The following USP13 variants were observed in gnomAD, a reference collection of about 807,000 sequenced individuals.
USP13 encodes ubiquitin specific peptidase 13.
Under a neutral mutation model 107.8 loss-of-function variants are expected in USP13, and 68 were observed. The ratio of observed to expected loss-of-function variants is 0.63; its 90% CI spans 0.52 to 0.77. The LOEUF (loss-of-function observed/expected upper bound fraction) is 0.77, where lower values mean the gene tolerates loss of function less well. Among genes scored for constraint, USP13 ranks in the 30% least tolerant of loss-of-function variants. USP13 has a pLI of 0.00. For synonymous variants in USP13, 377 were observed against 389.5 expected, an observed-to-expected ratio of 0.97 and a Z score of 0.38; for missense variants, 945 against 1,093.3, an observed-to-expected ratio of 0.86 and a Z score of 1.91.
At chr3:179,702,796 AAATGG>A (rs1712581633) in intron 4 of USP13, among the ~76,000 whole-genome samples, 1 of 152,240 alleles carries the variant, frequency 6.6e-6, no homozygotes. Flanking sequence ...TTAGTGGACA[AAATGG>A]CCTTACCTCA....
chr3:179,668,783 G>T (rs1720659251), intron 1 of USP13, among the ~76,000 whole-genome samples: 1 of 152,154 alleles, frequency 6.6e-6, no homozygotes, highest in African/African-American at 2.4e-5. Context: ...TGCTGCCCTT[G>T]ATCTGGAATC....
At chr3:179,750,320 ATGTGTG>A (rs372126922) in intron 13 of USP13, among the ~76,000 whole-genome samples, 34 of 40,786 alleles carry the variant, frequency 8.3e-4, no homozygotes, top group African/African-American at 2.2e-3. Context: ...ATATATATAT[ATGTGTG>A]TATATATATA....
At position 179,659,166 on chromosome 3, in the gene USP13, G is replaced by T. The variant is rs555373334; in HGVS notation, c.168+5773G>T. Among the ~76,000 whole-genome samples, 3 of 152,278 alleles carry T rather than the reference G, an allele frequency of 2.0e-5. No individual in the cohort carries two copies. The East Asian group carries it at 5.8e-4, about 29-fold the overall frequency. On this transcript the variant is annotated intron_variant, in intron 1 of 20. Transcript: ENST00000263966. ...CTGGGAGTCTTTGGAAACTCTGATG[G>T]ACAGGGGCCATCAGGTGGGAGTGGC...
chr3:179,695,820 T>C (rs78330921), intron 3 of USP13, among the ~76,000 whole-genome samples: 46 of 152,272 alleles, frequency 3.0e-4, no homozygotes, highest in African/African-American at 1.1e-3. Context: ...TAAGTAATGC[T>C]TTTAGATTTC....
chr3:179,701,195 C>G, intron 4 of USP13, 66 bp downstream of exon 4: 1 of 410,872 alleles, frequency 2.4e-6, no homozygotes, highest in Non-Finnish European at 3.8e-6. Context: ...TGTGCGTGTG[C>G]GATGTGTGTG....
rs940897977 is a variant in USP13 at position 179,740,371 on chromosome 3, A to C, written c.1379A>C (p.Glu460Ala). ...EFFLHLVNLV[E>A]RNRIGSENPS... is the part of the protein sequence containing the mutation. Reference sequence around the variant, plus strand: ...TTCTTGCACCTGGTGAATCTAGTAGAGGTGAGTAGTCAGTCTTCACGGATG... The same window carrying C: ...TTCTTGCACCTGGTGAATCTAGTAGCGGTGAGTAGTCAGTCTTCACGGATG... Residue 460 changes from glutamate to alanine, a missense_variant and splice_region_variant, in exon 11 of 21, where the codon GAG (glutamate) becomes GCG (alanine). Physicochemically the swap from Glu to Ala is moderately radical, Grantham distance 107. Coordinates refer to ENST00000263966, the MANE Select transcript of USP13 (RefSeq NM_003940.3). 1.9e-6 allele frequency: 3 copies of C among 1,614,006 alleles called. No homozygotes were observed. The Admixed American group carries it at 5.0e-5, about 27-fold the overall frequency.
intron 6 of USP13, 21 bp from the exon 7 acceptor site, chr3:179,719,919 T>A: frequency 6.2e-7 from 1 of 1,600,584 alleles, no homozygotes; most frequent in South Asian, 1.1e-5. Context: ...TTGCAGTGCT[T>A]ATTTTCTCTT....
chr3:179,727,902 G>A (rs1302062944), intron 8 of USP13, among the ~76,000 whole-genome samples: 1 of 68,244 alleles, frequency 1.5e-5, no homozygotes, highest in African/African-American at 3.8e-5. Context: ...CCTCCCGGAC[G>A]GGGCGGCTGG....
intron 1 of USP13, among the ~76,000 whole-genome samples, chr3:179,662,016 G>C (rs1720470186): frequency 1.3e-5 from 2 of 152,108 alleles, no homozygotes; most frequent in Non-Finnish European, 2.9e-5. Context: ...CCTGAACATA[G>C]GCAGTGATTT....
chr3:179,685,878 C>T lies in USP13; in HGVS notation c.294+3875C>T, dbSNP rs573491705. Among the ~76,000 whole-genome samples, 6 of 152,208 alleles carry T rather than the reference C, an allele frequency of 3.9e-5. No individual in the cohort carries two copies. In the South Asian group the frequency reaches 1.2e-3, roughly 32 times the overall value. On this transcript the variant is annotated intron_variant, in intron 2 of 20. Transcript: ENST00000263966. The stretch of plus-strand genomic sequence containing the variant: ...ACCTTCAGGCCCGTGACTTGTTTAG[C>T]TTACTTCTCATGATTCATTTTTTTC...
At chr3:179,679,600 A>G (rs1254821386) in intron 1 of USP13, among the ~76,000 whole-genome samples, 2 of 152,176 alleles carry the variant, frequency 1.3e-5, no homozygotes, top group African/African-American at 2.4e-5. Flanking sequence ...AGTGAGAGAA[A>G]ACAAGAGATG....
intron 3 of USP13, among the ~76,000 whole-genome samples, chr3:179,693,767 G>A (rs529770709): frequency 2.0e-5 from 3 of 151,998 alleles, no homozygotes; most frequent in South Asian, 2.1e-4. Context: ...TCCGCCCTCC[G>A]AGTTCAAGCA....
At chr3:179,756,324 G>A (rs1033133737) in intron 15 of USP13, among the ~76,000 whole-genome samples, 3 of 152,162 alleles carry the variant, frequency 2.0e-5, no homozygotes, top group Non-Finnish European at 4.4e-5. Context: ...TCAGGAGGCT[G>A]AGGCAAGAGA....
Position 179,730,197 on chromosome 3 carries a change from G to T in USP13, c.1097G>T (p.Gly366Val), listed in dbSNP as rs891601155. 6.2e-7 allele frequency: 1 copy of T among 1,613,270 alleles called. No individual in the cohort carries two copies. The highest frequency in any genetic ancestry group is 8.5e-7 in the Non-Finnish European group (1 of 1,179,730). Residue 366 changes from glycine to valine, a missense_variant, in exon 9 of 21, where the codon GGA (glycine) becomes GTA (valine). Gly to Val is a moderately radical substitution (Grantham distance 109). Coordinates refer to ENST00000263966, the MANE Select transcript of USP13 (RefSeq NM_003940.3). ...SIPEFQRAYV[G>V]NLPRIFDYSP... ...TGCCTCTCATTTTCTAGGTATGTAG[G>T]AAACCTTCCCAGAATATTTGACTAC...
intron 2 of USP13, among the ~76,000 whole-genome samples, chr3:179,687,033 A>G (rs1711896888): frequency 6.6e-6 from 1 of 152,112 alleles, no homozygotes; most frequent in Non-Finnish European, 1.5e-5. Context: ...CATCAGGGTT[A>G]TCCATATTTT....
chr3:179,782,781 T>G (rs1715790869), intron 20 of USP13, among the ~76,000 whole-genome samples: 1 of 152,216 alleles, frequency 6.6e-6, no homozygotes, highest in African/African-American at 2.4e-5. Context: ...GTTTCACTCT[T>G]ATTGCCCAGG....
At chr3:179,706,450 A>G (rs946051384) in intron 4 of USP13, among the ~76,000 whole-genome samples, 1 of 152,240 alleles carries the variant, frequency 6.6e-6, no homozygotes, top group Non-Finnish European at 1.5e-5. Flanking sequence ...CATTTGCACC[A>G]GATTAAGAAA....
intron 2 of USP13, among the ~76,000 whole-genome samples, chr3:179,689,880 C>T (rs535564975): frequency 6.6e-6 from 1 of 152,246 alleles, no homozygotes; most frequent in East Asian, 1.9e-4. Context: ...AAGATCCTCA[C>T]CTTCTGGAGC....
chr3:179,776,607 C>A (rs1425690176), intron 19 of USP13, among the ~76,000 whole-genome samples: 6 of 152,026 alleles, frequency 3.9e-5, no homozygotes. Context: ...TTTAATTCTG[C>A]CCATTAGGAG....
Sources: allele counts gnomAD v4.1 joint callset (sites outside exome capture counted in the v4.1 genomes callset), GRCh38; gene constraint gnomAD v4.1.1; transcripts MANE v1.5; gene names NCBI Gene and HGNC (gene_info 2026-07-23, HGNC 2026-07-21).